PDS5A: variants seen among roughly 807,000 people sequenced by gnomAD.
PDS5A encodes the protein PDS5 cohesin associated factor A.
Under a neutral mutation model 167.1 loss-of-function variants are expected in PDS5A, and 42 were observed. The observed-to-expected ratio is 0.25, with a 90% confidence interval of 0.20 to 0.33. The LOEUF is 0.33. Among genes scored for constraint, PDS5A ranks in the 10% least tolerant of loss-of-function variants. PDS5A has a pLI of 1.00. For synonymous variants in PDS5A, 553 were observed against 554.6 expected, an observed-to-expected ratio of 1.00 and a Z score of 0.04; for missense variants, 1,033 against 1,605.9, an observed-to-expected ratio of 0.64 and a Z score of 6.10.
chr4:39,864,464 G>A lies in PDS5A; in HGVS notation c.2643-1005C>T, dbSNP rs368778062. On this transcript the variant is annotated intron_variant, in intron 23 of 32. Transcript: ENST00000303538. ...GACACTGTGGATTTTTATTACTTAC[G>A]TGGTAAAATGTGGTAATGAATGGGA... is the stretch of plus-strand genomic sequence containing the variant. 3.3e-5 allele frequency among the ~76,000 whole-genome samples: 5 copies of A among 152,124 alleles called. No individual in the cohort carries two copies. In the East Asian group the frequency reaches 5.8e-4, roughly 18 times the overall value.
chr4:39,973,518 GT>G, intron 2 of PDS5A: 1 of 1,336,740 alleles, frequency 7.5e-7, no homozygotes. Flanking sequence ...TCCAGAAAGA[GT>G]TTTCTCCATT....
At chr4:39,916,952 A>G (rs1024785860) in intron 8 of PDS5A, 96 bp downstream of exon 8, 7 of 579,770 alleles carry the variant, frequency 1.2e-5, no homozygotes, top group African/African-American at 2.0e-5. Context: ...TTTTTCCTGG[A>G]AAGTTTAAAG....
Position 39,837,822 on chromosome 4 carries a change from A to G in PDS5A, c.4010+34T>C, listed in dbSNP as rs138725256. ...ATACTACGAATAAAACAAAATGTCT[A>G]AATTCCCACTTGAGGAAGAATGGCG... is the stretch of plus-strand genomic sequence containing the variant. On this transcript the variant is annotated intron_variant, in intron 32 of 32. Coordinates refer to ENST00000303538, the MANE Select transcript of PDS5A (RefSeq NM_001100399.2). The G allele has an allele frequency of 1.8e-3, 2,663 of 1,499,856 alleles. 5 individuals carry two copies. Among genetic ancestry groups the G allele is most frequent in the Non-Finnish European group, 2.2e-3 (2,424 of 1,100,006 alleles). The allele number at this position is 1,499,856 out of a possible 1,614,324, so 92.9% of individuals were successfully genotyped here. A position where few individuals can be genotyped will look rare whatever the true frequency, so the allele number is the denominator to read the frequency against.
chr4:39,879,807 G>A lies in PDS5A; in HGVS notation c.1913C>T (p.Ser638Leu), dbSNP rs777794887. 1 of 1,609,538 alleles carries A rather than the reference G, an allele frequency of 6.2e-7. No individual in the cohort carries two copies. Among genetic ancestry groups the A allele is most frequent in the Non-Finnish European group, 8.5e-7 (1 of 1,176,162 alleles). ...ISALVKLMNK[S>L]IEGTADDEEE... ...TTCATCATCTGCTGTCCCCTCTATTGACTTATTCATCAATTTCACTAGTGC... is the reference window on the plus strand; with the variant it reads ...TTCATCATCTGCTGTCCCCTCTATTAACTTATTCATCAATTTCACTAGTGC... The change falls in exon 18 of 33, where the codon TCA becomes TTA. Residue 638 changes from serine to leucine, a missense_variant. Ser to Leu is a moderately radical substitution (Grantham distance 145). Coordinates refer to ENST00000303538, the MANE Select transcript of PDS5A (RefSeq NM_001100399.2).
At chr4:39,866,629 G>A (rs1170931246) in intron 23 of PDS5A, among the ~76,000 whole-genome samples, 2 of 152,122 alleles carry the variant, frequency 1.3e-5, no homozygotes, top group Non-Finnish European at 2.9e-5. Flanking sequence ...TAGTGATTAT[G>A]ATTATGTATT....
At chr4:39,876,878 A>C in intron 19 of PDS5A, 115 bp downstream of exon 19, 1 of 695,472 alleles carries the variant, frequency 1.4e-6, no homozygotes, top group Non-Finnish European at 2.3e-6. Flanking sequence ...AGTAGCTTCT[A>C]AATCAAAGTT....
chr4:39,874,333 C>A lies in PDS5A; in HGVS notation c.2233G>T (p.Ala745Ser). The A allele has an allele frequency of 6.2e-7, 1 of 1,612,848 alleles. No individual in the cohort carries two copies. The highest frequency in any genetic ancestry group is 8.5e-7 in the Non-Finnish European group (1 of 1,178,982). ...TGGACTTCTTTATTTGTGAATATGG[C>A]GTGTATACAGTGCACAGCCTGTTTT... ...QAKQAVHCIH[A>S]IFTNKEVQLA... Residue 745 changes from alanine to serine, a missense_variant, in exon 20 of 33, where the codon GCC (alanine) becomes TCC (serine). Ala to Ser is a moderately conservative substitution (Grantham distance 99, BLOSUM62 1). Transcript: ENST00000303538.
At chr4:39,941,343 A>G (rs577426679) in intron 2 of PDS5A, among the ~76,000 whole-genome samples, 5 of 152,352 alleles carry the variant, frequency 3.3e-5, no homozygotes, top group East Asian at 3.9e-4. Context: ...TCAACCTGTC[A>G]GGTGTAAAGA....
chr4:39,972,329 GA>G (rs1730629623), intron 2 of PDS5A, among the ~76,000 whole-genome samples: 1 of 152,124 alleles, frequency 6.6e-6, no homozygotes, highest in African/African-American at 2.4e-5. Context: ...AGACCAGCCT[GA>G]CCAACATAGT....
chr4:39,835,372 A>G (rs1249217250), intron 32 of PDS5A, among the ~76,000 whole-genome samples: 1 of 152,234 alleles, frequency 6.6e-6, no homozygotes, highest in Non-Finnish European at 1.5e-5. Context: ...GTGCCTTTTC[A>G]GTCTGTAAAG....
intron 3 of PDS5A, 42 bp downstream of exon 3, chr4:39,927,919 G>A (rs775244915): frequency 3.0e-6 from 4 of 1,343,576 alleles, no homozygotes; most frequent in African/African-American, 2.9e-5. Context: ...TCTGAACAGT[G>A]GTGAATGAAA....
intron 17 of PDS5A, among the ~76,000 whole-genome samples, chr4:39,883,339 C>A (rs989536179): frequency 5.3e-5 from 8 of 151,976 alleles, no homozygotes; most frequent in Non-Finnish European, 1.0e-4. Context: ...CACCACCACA[C>A]CTGGCTAATT....
At chr4:39,836,332 C>A (rs1716381773) in intron 32 of PDS5A, among the ~76,000 whole-genome samples, 1 of 152,184 alleles carries the variant, frequency 6.6e-6, no homozygotes, top group African/African-American at 2.4e-5. Flanking sequence ...CAGGTTTGAG[C>A]CTTCTGGATC....
At chr4:39,963,708 T>C (rs1729710697) in intron 2 of PDS5A, among the ~76,000 whole-genome samples, 1 of 151,788 alleles carries the variant, frequency 6.6e-6, no homozygotes, top group Non-Finnish European at 1.5e-5. Context: ...GGTGCATGCT[T>C]GTGGTCTCAG....
intron 30 of PDS5A, among the ~76,000 whole-genome samples, chr4:39,843,619 A>G (rs1717267328): frequency 6.6e-6 from 1 of 152,054 alleles, no homozygotes; most frequent in Non-Finnish European, 1.5e-5. Flanking sequence ...TGTGAGAATC[A>G]CTTGAAACCA....
At chr4:39,930,752 C>T (rs536553355) in intron 2 of PDS5A, among the ~76,000 whole-genome samples, 13 of 152,018 alleles carry the variant, frequency 8.6e-5, no homozygotes, top group African/African-American at 3.1e-4. Context: ...GATAGTAAGA[C>T]TGGTTTTATT....
chr4:39,861,241 A>T (rs1718967400), intron 26 of PDS5A, among the ~76,000 whole-genome samples: 1 of 151,938 alleles, frequency 6.6e-6, no homozygotes, highest in Non-Finnish European at 1.5e-5. Flanking sequence ...CAGGGGGATC[A>T]CAAGGTCAGG....
intron 23 of PDS5A, among the ~76,000 whole-genome samples, chr4:39,863,991 G>A (rs930449784): frequency 4.6e-5 from 7 of 151,932 alleles, no homozygotes; most frequent in Non-Finnish European, 1.0e-4. Context: ...TTAGCTGGGT[G>A]TGGTGGCACG....
rs139039805 is a variant in PDS5A at position 39,891,215 on chromosome 4, T to A, written c.1771-851A>T. 5.4e-3 allele frequency among the ~76,000 whole-genome samples: 823 copies of A among 151,446 alleles called. 7 individuals carry two copies. The highest frequency in any genetic ancestry group is 0.019 in the African/African-American group (782 of 41,330). Reference sequence around the variant, plus strand: ...TGCCCGGCTAATTTTATATTTTTAGTAGACATGGGGTTTCGTCATGTTGGC... The same window carrying A: ...TGCCCGGCTAATTTTATATTTTTAGAAGACATGGGGTTTCGTCATGTTGGC... On this transcript the variant is annotated intron_variant, in intron 16 of 32. Coordinates refer to ENST00000303538, the MANE Select transcript of PDS5A (RefSeq NM_001100399.2).
Sources: allele counts gnomAD v4.1 joint callset (sites outside exome capture counted in the v4.1 genomes callset), GRCh38; gene constraint gnomAD v4.1.1; transcripts MANE v1.5; gene names NCBI Gene and HGNC (gene_info 2026-07-23, HGNC 2026-07-21).